NEO1: variants seen among roughly 807,000 people sequenced by gnomAD.
NEO1 encodes neogenin.
NEO1 carries 63 observed loss-of-function variants against 159.7 expected under a neutral mutation model. That is an observed-to-expected ratio of 0.39 (90% confidence interval 0.32 to 0.49). The LOEUF is 0.49. Among genes scored for constraint, NEO1 ranks in the 20% least tolerant of loss-of-function variants. NEO1 has a pLI of 0.85. For missense variants in NEO1, 1,615 were observed against 1,831.0 expected (o/e 0.88, Z 2.15); for synonymous variants, 633 against 662.0 (o/e 0.96, Z 0.67).
chr15:73,144,565 T>C (rs926404485), intron 5 of NEO1, among the ~76,000 whole-genome samples: 5 of 152,184 alleles, frequency 3.3e-5, no homozygotes, highest in Non-Finnish European at 7.3e-5. Context: ...TTCCACTTGT[T>C]GATTAAACTA....
upstream of NEO1, chr15:73,052,339 C>T (rs1351679907): frequency 6.8e-5 from 10 of 147,368 alleles, no homozygotes; most frequent in South Asian, 1.9e-3. Context: ...CGGTCTCCGC[C>T]CCCCTCGCGC....
At chr15:73,181,946 G>A (rs2035635428) in intron 7 of NEO1, among the ~76,000 whole-genome samples, 1 of 149,328 alleles carries the variant, frequency 6.7e-6, no homozygotes, top group East Asian at 2.0e-4. Context: ...TCACACTGCT[G>A]TTAAAGACAT....
At chr15:73,110,901 G>T (rs2070944212) in intron 1 of NEO1, among the ~76,000 whole-genome samples, 2 of 151,998 alleles carry the variant, frequency 1.3e-5, no homozygotes, top group South Asian at 4.1e-4. Context: ...AGTGGGTAAA[G>T]AAAATGATGA....
At chr15:73,215,207 A>G (rs915947173) in intron 7 of NEO1, among the ~76,000 whole-genome samples, 4 of 152,180 alleles carry the variant, frequency 2.6e-5, no homozygotes, top group Non-Finnish European at 4.4e-5. Context: ...AGCGTAAACT[A>G]TCATATCATC....
intron 7 of NEO1, 76 bp downstream of exon 7, chr15:73,178,503 A>C: frequency 4.7e-4 from 724 of 1,541,522 alleles, no homozygotes; most frequent in Non-Finnish European, 5.8e-4. Flanking sequence ...CAAATAACTC[A>C]TGATTGATAA....
chr15:73,197,681 C>CTTTTT (rs34893810), intron 7 of NEO1, among the ~76,000 whole-genome samples: 1 of 132,378 alleles, frequency 7.6e-6, no homozygotes, highest in Non-Finnish European at 1.6e-5. Context: ...TTATACCTAC[C>CTTTTT]TTTTTTTTTT....
intron 1 of NEO1, among the ~76,000 whole-genome samples, chr15:73,105,570 C>G (rs182916499): frequency 5.9e-5 from 9 of 152,194 alleles, no homozygotes; most frequent in Admixed American, 2.0e-4. Context: ...TTTTTTGTTG[C>G]CCAGGATCCA....
chr15:73,168,643 T>C (rs2034748567), intron 5 of NEO1, among the ~76,000 whole-genome samples: 1 of 152,152 alleles, frequency 6.6e-6, no homozygotes, highest in Non-Finnish European at 1.5e-5. Context: ...AACATTGTTA[T>C]AATATTACTT....
At chr15:73,275,637 A>G (rs1295686571) in intron 21 of NEO1, among the ~76,000 whole-genome samples, 1 of 152,184 alleles carries the variant, frequency 6.6e-6, no homozygotes, top group Admixed American at 6.5e-5. Context: ...CCTAGGTGAC[A>G]GAGTGAGACC....
chr15:73,052,423 C>CCCCG, upstream of NEO1: 1 of 95,676 alleles, frequency 1.0e-5, no homozygotes, highest in Non-Finnish European at 2.7e-5. Context: ...CCCCCCCCCC[C>CCCCG]CCGCCCCGGA....
At chr15:73,197,928 G>T (rs906691172) in intron 7 of NEO1, among the ~76,000 whole-genome samples, 7 of 152,010 alleles carry the variant, frequency 4.6e-5, no homozygotes, top group Non-Finnish European at 1.0e-4. Context: ...TGACCCACCT[G>T]CCTCAGCCTC....
chr15:73,188,669 G>A (rs750323388), intron 7 of NEO1, among the ~76,000 whole-genome samples: 1 of 152,048 alleles, frequency 6.6e-6, no homozygotes, highest in East Asian at 1.9e-4. Context: ...TTAATGGTTC[G>A]AGTCAGTAAT....
intron 5 of NEO1, chr15:73,143,555 TGA>T (rs1256983207): frequency 6.5e-6 from 1 of 152,794 alleles, no homozygotes; most frequent in East Asian, 1.9e-4. Context: ...CAGTGTGGAC[TGA>T]GAGGGACCTG....
intron 5 of NEO1, chr15:73,143,102 A>T (rs1398608285): frequency 6.5e-6 from 1 of 153,488 alleles, no homozygotes; most frequent in Non-Finnish European, 1.5e-5. Context: ...GTCAGGGTAG[A>T]TGTTATACAG....
chr15:73,253,068 A>C (rs142373311), intron 11 of NEO1, among the ~76,000 whole-genome samples: 1 of 152,328 alleles, frequency 6.6e-6, no homozygotes, highest in East Asian at 1.9e-4. Context: ...TTCTGAGTAC[A>C]TATGGGGTCT....
At chr15:73,100,730 A>G (rs1359299543) in intron 1 of NEO1, among the ~76,000 whole-genome samples, 1 of 152,198 alleles carries the variant, frequency 6.6e-6, no homozygotes, top group African/African-American at 2.4e-5. Context: ...TTTCTACTTT[A>G]TAAAATCACA....
intron 1 of NEO1, among the ~76,000 whole-genome samples, chr15:73,058,604 G>T (rs2067832723): frequency 6.6e-6 from 1 of 152,052 alleles, no homozygotes; most frequent in African/African-American, 2.4e-5. Context: ...TGGGGGTCAG[G>T]GTTCCATTTA....
chr15:73,191,053 A>G (rs1373953246), intron 7 of NEO1, among the ~76,000 whole-genome samples: 1 of 152,074 alleles, frequency 6.6e-6, no homozygotes, highest in Non-Finnish European at 1.5e-5. Context: ...AGGTATTGAA[A>G]TAGATATGTT....
intron 13 of NEO1, among the ~76,000 whole-genome samples, chr15:73,257,080 C>T (rs1179248273): frequency 3.3e-5 from 4 of 121,624 alleles, no homozygotes; most frequent in Non-Finnish European, 6.4e-5. Flanking sequence ...TGAAGTGAGC[C>T]GTGATTGTGC....
Sources: gnomAD v4.1 joint callset for allele counts (sites outside exome capture counted in the v4.1 genomes callset) on GRCh38, gnomAD v4.1.1 for gene constraint, MANE v1.5 for transcripts, NCBI Gene and HGNC (gene_info 2026-07-23, HGNC 2026-07-21) for gene names.